MNAT1: variants seen among roughly 807,000 people sequenced by gnomAD.
MNAT1 encodes the protein CDK-activating kinase assembly factor MAT1.
MNAT1 carries 43 observed loss-of-function variants against 42.0 expected under a neutral mutation model. The observed-to-expected ratio is 1.02, with a 90% CI of 0.80 to 1.32. The LOEUF (loss-of-function observed/expected upper bound fraction) is 1.32. Among genes scored for constraint, MNAT1 ranks in the 40% most tolerant of loss-of-function variants. The probability of loss-of-function intolerance (pLI) is 0.00; values close to 1 mark genes in which losing one functional copy is unlikely to be tolerated. For missense variants in MNAT1, 306 were observed against 350.4 expected (o/e 0.87, Z 1.01); for synonymous variants, 118 against 120.0 (o/e 0.98, Z 0.11).
chr14:60,939,848 T>C (rs2036101562), intron 7 of MNAT1, among the ~76,000 whole-genome samples: 1 of 152,172 alleles, frequency 6.6e-6, no homozygotes, highest in Non-Finnish European at 1.5e-5. Context: ...AGTCTCCCAT[T>C]TTTATTGTGT....
chr14:60,839,331 G>A (rs1369480845), intron 6 of MNAT1, among the ~76,000 whole-genome samples: 1 of 152,146 alleles, frequency 6.6e-6, no homozygotes, highest in East Asian at 1.9e-4. Flanking sequence ...CTGTGGAAAG[G>A]AGCTATCCAC....
rs1320726462 is a variant in MNAT1, at chr14:60,818,591, G to A, written c.562-131G>A. The A allele has an allele frequency of 4.7e-6, 3 of 636,124 alleles. No individual in the cohort carries two copies. In the East Asian group the frequency reaches 9.5e-5, roughly 20 times the overall value. 39.4% of individuals were successfully genotyped at this position (636,124 alleles called of 1,614,324 possible). A position where few individuals can be genotyped will look rare whatever the true frequency, so the allele number is the denominator to read the frequency against. On this transcript the variant is annotated intron_variant, in intron 5 of 7. Transcript: ENST00000261245. ...ATGGAATGTTAATATTTTTTGTAAA[G>A]TGTCCTCCATAATGTGAATATTTAG...
chr14:60,906,376 A>G (rs1316741049), intron 7 of MNAT1, among the ~76,000 whole-genome samples: 1 of 152,208 alleles, frequency 6.6e-6, no homozygotes, highest in Non-Finnish European at 1.5e-5. Context: ...TATTACTTTC[A>G]TCTAGAAAGG....
At chr14:60,864,018 G>A (rs1199262107) in intron 6 of MNAT1, among the ~76,000 whole-genome samples, 1 of 151,926 alleles carries the variant, frequency 6.6e-6, no homozygotes, top group Non-Finnish European at 1.5e-5. Flanking sequence ...TATATTGTTT[G>A]AAGAAAATAT....
chr14:60,880,110 G>T (rs2034519626), intron 7 of MNAT1: 3 of 215,338 alleles, frequency 1.4e-5, no homozygotes, highest in Non-Finnish European at 2.7e-5. Flanking sequence ...AGTCATGAGT[G>T]TTTTTTTCTT....
At chr14:60,834,081 A>G (rs1472664309) in intron 6 of MNAT1, among the ~76,000 whole-genome samples, 1 of 151,748 alleles carries the variant, frequency 6.6e-6, no homozygotes, top group Non-Finnish European at 1.5e-5. Flanking sequence ...ATTAGTCTGG[A>G]TAATGGTCTA....
At chr14:60,958,878 A>C (rs2036536626) in intron 7 of MNAT1, among the ~76,000 whole-genome samples, 1 of 151,914 alleles carries the variant, frequency 6.6e-6, no homozygotes, top group Non-Finnish European at 1.5e-5. Context: ...TGACCTCGTG[A>C]TCTGCCTGCC....
chr14:60,902,385 A>G (rs1398005190), intron 7 of MNAT1, among the ~76,000 whole-genome samples: 1 of 152,190 alleles, frequency 6.6e-6, no homozygotes. Flanking sequence ...ATTGAGGGCC[A>G]TGTCTAAATT....
chr14:60,884,378 A>G (rs1203214561), intron 7 of MNAT1, among the ~76,000 whole-genome samples: 1 of 152,114 alleles, frequency 6.6e-6, no homozygotes, highest in African/African-American at 2.4e-5. Flanking sequence ...TGATTTGCAT[A>G]TGTTGAACCA....
At chr14:60,916,963 A>T (rs892730118) in intron 7 of MNAT1, among the ~76,000 whole-genome samples, 14 of 152,174 alleles carry the variant, frequency 9.2e-5, no homozygotes, top group South Asian at 2.1e-4. Context: ...CAAAAAATTT[A>T]AAAAAATTAA....
At chr14:60,817,898 GTGTT>G (rs1431638072) in intron 5 of MNAT1, among the ~76,000 whole-genome samples, 5 of 151,936 alleles carry the variant, frequency 3.3e-5, no homozygotes, top group Non-Finnish European at 5.9e-5. Context: ...TTGTGTGTGT[GTGTT>G]TGTTTGTGTG....
At chr14:60,800,369 T>C (rs901306305) in intron 3 of MNAT1, among the ~76,000 whole-genome samples, 3 of 151,982 alleles carry the variant, frequency 2.0e-5, no homozygotes, top group African/African-American at 7.2e-5. Flanking sequence ...GACAACATAA[T>C]GAGATCTATA....
intron 7 of MNAT1, among the ~76,000 whole-genome samples, chr14:60,901,013 CAAAAAAAAAAAA>C (rs56345746): frequency 8.2e-5 from 3 of 36,576 alleles, no homozygotes; most frequent in African/African-American, 3.7e-4. Flanking sequence ...GAGCCTGTCT[CAAAAAAAAAAAA>C]AAAAAAAAAA....
intron 6 of MNAT1, among the ~76,000 whole-genome samples, chr14:60,822,197 C>T (rs546424115): frequency 1.3e-5 from 2 of 152,234 alleles, no homozygotes; most frequent in African/African-American, 4.8e-5. Context: ...TTCACCTAGA[C>T]AGAATAGTTG....
At chr14:60,945,224 T>C (rs768355574) in intron 7 of MNAT1, among the ~76,000 whole-genome samples, 2 of 152,202 alleles carry the variant, frequency 1.3e-5, no homozygotes, top group Non-Finnish European at 2.9e-5. Context: ...AAATGTTTTT[T>C]TGAGACACAG....
intron 6 of MNAT1, among the ~76,000 whole-genome samples, chr14:60,823,936 A>G (rs1029993488): frequency 6.6e-6 from 1 of 152,176 alleles, no homozygotes; most frequent in Non-Finnish European, 1.5e-5. Context: ...AGGCGGGTGG[A>G]TCACGAGATC....
intron 1 of MNAT1, among the ~76,000 whole-genome samples, 193 bp from the exon 2 acceptor site, chr14:60,796,024 T>A (rs1396703533): frequency 6.6e-6 from 1 of 152,208 alleles, no homozygotes; most frequent in Admixed American, 6.5e-5. Flanking sequence ...CTGGTATCAC[T>A]TGGGATACCT....
chr14:60,794,336 A>C (rs537285706), intron 1 of MNAT1, among the ~76,000 whole-genome samples: 1 of 152,052 alleles, frequency 6.6e-6, no homozygotes, highest in African/African-American at 2.4e-5. Context: ...TGATCTTTGG[A>C]ATTTTTCCCT....
chr14:60,853,505 A>T (rs1174956353), intron 6 of MNAT1, among the ~76,000 whole-genome samples: 4 of 152,172 alleles, frequency 2.6e-5, no homozygotes, highest in Non-Finnish European at 5.9e-5. Context: ...AGACAATTTG[A>T]CTTCCTCTCT....
Sources: allele counts gnomAD v4.1 joint callset (sites outside exome capture counted in the v4.1 genomes callset), GRCh38; gene constraint gnomAD v4.1.1; transcripts MANE v1.5; gene names NCBI Gene and HGNC (gene_info 2026-07-23, HGNC 2026-07-21).